Variants in PACRG observed in about 807,000 individuals in gnomAD.
PACRG encodes the protein parkin coregulated gene protein.
A neutral mutation model predicts 29.7 loss-of-function variants in PACRG; 29 were observed. That is an observed-to-expected ratio of 0.98 (90% CI 0.73 to 1.33). PACRG has a LOEUF of 1.33. PACRG is among the 40% of genes most tolerant of loss of function. The pLI is 0.00. For synonymous variants in PACRG, 116 were observed against 118.7 expected, an observed-to-expected ratio of 0.98 and a Z score of 0.15; for missense variants, 279 against 316.2, an observed-to-expected ratio of 0.88 and a Z score of 0.89.
intron 4 of PACRG, among the ~76,000 whole-genome samples, chr6:163,224,953 T>C (rs1379710661): frequency 6.6e-6 from 1 of 152,168 alleles, no homozygotes; most frequent in Non-Finnish European, 1.5e-5. Context: ...AAAAATCCTA[T>C]GAGTTAATAT....
intron 4 of PACRG, among the ~76,000 whole-genome samples, chr6:163,281,015 A>T (rs1210795225): frequency 6.6e-6 from 1 of 152,168 alleles, no homozygotes; most frequent in East Asian, 1.9e-4. Flanking sequence ...CCGTCAGATT[A>T]TGAAAAGGGT....
chr6:163,065,094 T>G (rs1339978991), intron 3 of PACRG, among the ~76,000 whole-genome samples: 1 of 152,226 alleles, frequency 6.6e-6, no homozygotes, highest in East Asian at 1.9e-4. Flanking sequence ...AGTTCTGGAA[T>G]AACCCACACC....
intron 1 of PACRG, among the ~76,000 whole-genome samples, chr6:162,774,514 T>G (rs1371223868): frequency 6.6e-6 from 1 of 152,210 alleles, no homozygotes; most frequent in Non-Finnish European, 1.5e-5. Flanking sequence ...ATGTTGGGAA[T>G]TTTTTGCATG....
intron 2 of PACRG, among the ~76,000 whole-genome samples, chr6:162,847,038 A>G (rs1458169948): frequency 2.4e-5 from 3 of 125,720 alleles, no homozygotes; most frequent in South Asian, 2.5e-4. Flanking sequence ...CGTGCTCCTC[A>G]CGCTGACTGC....
At chr6:163,276,008 C>CTTCCTTCCTTCT (rs1554239015) in intron 4 of PACRG, among the ~76,000 whole-genome samples, 5 of 140,576 alleles carry the variant, frequency 3.6e-5, no homozygotes, top group South Asian at 2.3e-4. Flanking sequence ...TCCTTCCTTC[C>CTTCCTTCCTTCT]TTCTTTCTTT....
chr6:163,260,429 G>A (rs148141504), intron 4 of PACRG, among the ~76,000 whole-genome samples: 1 of 152,350 alleles, frequency 6.6e-6, no homozygotes, highest in Non-Finnish European at 1.5e-5. Context: ...GCTTTAAAAC[G>A]CAGAGATTTT....
At chr6:162,856,330 A>T (rs1219698211) in intron 2 of PACRG, among the ~76,000 whole-genome samples, 2 of 152,144 alleles carry the variant, frequency 1.3e-5, no homozygotes, top group Non-Finnish European at 2.9e-5. Flanking sequence ...AAGTGCTGGG[A>T]TTATAGGCAT....
chr6:162,960,284 A>G (rs1445476684), intron 2 of PACRG, among the ~76,000 whole-genome samples: 1 of 152,248 alleles, frequency 6.6e-6, no homozygotes, highest in East Asian at 1.9e-4. Flanking sequence ...ATAGATTATT[A>G]TAACAAAAAG....
At chr6:162,957,746 G>GTTT (rs1385432842) in intron 2 of PACRG, among the ~76,000 whole-genome samples, 4 of 151,972 alleles carry the variant, frequency 2.6e-5, no homozygotes, top group Admixed American at 2.6e-4. Flanking sequence ...AAGAAGCCCA[G>GTTT]AACTCGAATT....
Position 162,863,683 on chromosome 6 carries a change from T to C in PACRG, c.291+49402T>C, listed in dbSNP as rs111669776. On this transcript the variant is annotated intron_variant, in intron 2 of 4. Coordinates refer to ENST00000366888, the MANE Select transcript of PACRG (RefSeq NM_001080379.2). ...GGCTACTTTCATATGTGTTATTTCATTAAATCCTTAAAACTTCAATGTCGT... is the reference window on the plus strand; with the variant it reads ...GGCTACTTTCATATGTGTTATTTCACTAAATCCTTAAAACTTCAATGTCGT... Among the ~76,000 whole-genome samples, 1,003 of 152,320 alleles carry C rather than the reference T, an allele frequency of 6.6e-3. 11 individuals carry two copies. Among genetic ancestry groups the C allele is most frequent in the African/African-American group, 0.023 (944 of 41,558 alleles).
intron 4 of PACRG, among the ~76,000 whole-genome samples, chr6:163,233,202 T>A (rs1162349835): frequency 6.6e-6 from 1 of 152,250 alleles, no homozygotes; most frequent in Non-Finnish European, 1.5e-5. Flanking sequence ...TTTTCTCACC[T>A]ACTTTCATGT....
chr6:163,004,701 A>AGTGTGTGTGT (rs374627693), intron 2 of PACRG, among the ~76,000 whole-genome samples: 2,541 of 131,358 alleles, frequency 0.019, 98 homozygotes, highest in African/African-American at 0.077. Flanking sequence ...ACAAAGTTCT[A>AGTGTGTGTGT]GTGTGTGTGT....
At chr6:163,120,930 A>G (rs2128324482) in intron 4 of PACRG, among the ~76,000 whole-genome samples, 1 of 152,310 alleles carries the variant, frequency 6.6e-6, no homozygotes, top group Non-Finnish European at 1.5e-5. Context: ...CCTCCAGCCA[A>G]ATGCCAGGAA....
At chr6:162,890,542 G>C (rs1037722973) in intron 2 of PACRG, among the ~76,000 whole-genome samples, 5 of 152,176 alleles carry the variant, frequency 3.3e-5, no homozygotes, top group Admixed American at 6.5e-5. Context: ...CACTGCTCTA[G>C]AGCCAGCCCC....
chr6:162,844,997 T>C (rs994175693), intron 2 of PACRG, among the ~76,000 whole-genome samples: 1 of 152,184 alleles, frequency 6.6e-6, no homozygotes, highest in African/African-American at 2.4e-5. Context: ...TAGAGAGTCA[T>C]AAAGCTGATG....
chr6:163,175,485 A>G (rs1471456003), intron 4 of PACRG, among the ~76,000 whole-genome samples: 1 of 151,790 alleles, frequency 6.6e-6, no homozygotes, highest in Non-Finnish European at 1.5e-5. Flanking sequence ...CTGTGACTCT[A>G]CTGCTCCTGA....
intron 4 of PACRG, among the ~76,000 whole-genome samples, chr6:163,269,463 C>T (rs1783652766): frequency 6.6e-6 from 1 of 152,188 alleles, no homozygotes; most frequent in South Asian, 2.1e-4. Context: ...CATGGAGCTT[C>T]CCAAATTCCT....
chr6:162,859,554 C>T (rs1791682617), intron 2 of PACRG, among the ~76,000 whole-genome samples: 1 of 152,146 alleles, frequency 6.6e-6, no homozygotes, highest in South Asian at 2.1e-4. Flanking sequence ...CTTCATCTTC[C>T]TTTCTCCCCT....
At chr6:163,080,065 A>AT (rs1165931830) in intron 3 of PACRG, among the ~76,000 whole-genome samples, 4 of 151,206 alleles carry the variant, frequency 2.6e-5, no homozygotes, top group Non-Finnish European at 5.9e-5. Context: ...CGCCTGGCTA[A>AT]TTTTTTGTAT....
Sources: gnomAD v4.1 joint callset for allele counts (sites outside exome capture counted in the v4.1 genomes callset) on GRCh38, gnomAD v4.1.1 for gene constraint, MANE v1.5 for transcripts, NCBI Gene and HGNC (gene_info 2026-07-23, HGNC 2026-07-21) for gene names.